KLF17: variants seen among roughly 807,000 people sequenced by gnomAD.
KLF17 encodes Krueppel-like factor 17.
A neutral mutation model predicts 34.2 loss-of-function variants in KLF17; 31 were observed. The observed-to-expected ratio is 0.91, with a 90% CI of 0.68 to 1.22. KLF17 has a LOEUF of 1.22. KLF17 is among the 50% of genes most tolerant of loss of function. The pLI, the probability that KLF17 is intolerant of heterozygous loss-of-function variation, is 0.00. For missense variants in KLF17, 478 were observed against 505.2 expected (o/e 0.95, Z 0.52); for synonymous variants, 179 against 186.7 (o/e 0.96, Z 0.34).
chr1:44,086,873 C>T, the KLF17 span, among the ~76,000 whole-genome samples: 5 of 152,118 alleles, frequency 3.3e-5, no homozygotes, highest in African/African-American at 1.2e-4. Flanking sequence ...GGAGGAAAAG[C>T]TGTGAAATAA....
the KLF17 span, among the ~76,000 whole-genome samples, chr1:44,044,248 A>C: frequency 6.6e-6 from 1 of 152,166 alleles, no homozygotes; most frequent in East Asian, 1.9e-4. Context: ...CACAAGTCTC[A>C]ATGACCGGAC....
the KLF17 span, among the ~76,000 whole-genome samples, chr1:44,087,769 T>TACACAC: frequency 1.9e-4 from 10 of 52,280 alleles, no homozygotes; most frequent in African/African-American, 2.8e-4. Flanking sequence ...TATATATATA[T>TACACAC]ACACACACAC....
chr1:44,059,772 G>C, the KLF17 span, among the ~76,000 whole-genome samples: 1 of 151,736 alleles, frequency 6.6e-6, no homozygotes, highest in African/African-American at 2.4e-5. Flanking sequence ...AAAAGCAGAC[G>C]TTTCCCTGTG....
chr1:44,094,556 TA>T, the KLF17 span, among the ~76,000 whole-genome samples: 1 of 152,238 alleles, frequency 6.6e-6, no homozygotes, highest in East Asian at 1.9e-4. Flanking sequence ...TCATTCTGAC[TA>T]TGGCTATCCA....
In KLF17 at chr1:44,130,686, C is replaced by G. The variant is rs757312344; in HGVS notation, c.1100C>G (p.Pro367Arg). 2.5e-6 allele frequency: 4 copies of G among 1,613,412 alleles called. No homozygotes were observed. The Admixed American group carries it at 5.0e-5, about 20-fold the overall frequency. The stretch of plus-strand genomic sequence containing the variant: ...AAGCAACACCAGAAGACTCATCGGC[C>G]GGGACCCTCAGACCCACAGGCCAAC... ...HLKQHQKTHR[P>R]GPSDPQANNN... Residue 367 changes from proline to arginine, a missense_variant, in exon 3 of 4, where the codon CCG becomes CGG. By Grantham distance (103) the Pro-to-Arg change is moderately radical (BLOSUM62 -2). Coordinates refer to ENST00000372299, the MANE Select transcript of KLF17 (RefSeq NM_173484.4).
the KLF17 span, among the ~76,000 whole-genome samples, chr1:44,071,107 C>CATCA: frequency 6.6e-6 from 1 of 152,128 alleles, no homozygotes; most frequent in African/African-American, 2.4e-5. Context: ...TACCAATGAG[C>CATCA]ATCACTGTGA....
the KLF17 span, among the ~76,000 whole-genome samples, chr1:44,085,246 A>G: frequency 1.2e-3 from 188 of 152,346 alleles, no homozygotes; most frequent in African/African-American, 4.3e-3. Context: ...GACAGAAAGC[A>G]AACAAGGTAC....
upstream of KLF17, among the ~76,000 whole-genome samples, chr1:44,116,572 ACTC>A (rs1474600503): frequency 1.3e-5 from 2 of 151,302 alleles, no homozygotes; most frequent in Non-Finnish European, 2.9e-5. Flanking sequence ...CACTCCATCA[ACTC>A]CTCTTCCCTT....
the KLF17 span, among the ~76,000 whole-genome samples, chr1:44,098,563 TTTTC>T: frequency 6.3e-5 from 8 of 127,874 alleles, no homozygotes; most frequent in Admixed American, 3.2e-4. Flanking sequence ...TTTTTTTTTT[TTTTC>T]TGAGACTGAG....
At chr1:44,094,447 T>G in the KLF17 span, among the ~76,000 whole-genome samples, 2 of 152,186 alleles carry the variant, frequency 1.3e-5, no homozygotes, top group Admixed American at 1.3e-4. Context: ...GTTTCTCCAA[T>G]GTTTTCTTTT....
chr1:44,103,658 C>A, the KLF17 span: 1 of 1,610,360 alleles, frequency 6.2e-7, no homozygotes, highest in Non-Finnish European at 8.5e-7. Context: ...GCTCCTAGTA[C>A]TCACGCAGCT....
chr1:44,049,493 T>C, the KLF17 span, among the ~76,000 whole-genome samples: 1 of 152,258 alleles, frequency 6.6e-6, no homozygotes, highest in Non-Finnish European at 1.5e-5. Context: ...ATATATTCTT[T>C]TCTTTTTGAG....
intron 3 of KLF17, among the ~76,000 whole-genome samples, chr1:44,131,396 T>G (rs1173735965): frequency 1.3e-5 from 2 of 152,212 alleles, no homozygotes; most frequent in Non-Finnish European, 2.9e-5. Flanking sequence ...CTTTGCTTGC[T>G]ACATAAAATC....
chr1:44,051,674 G>A, the KLF17 span: 4 of 152,254 alleles, frequency 2.6e-5, no homozygotes, highest in Middle Eastern at 3.4e-3. Context: ...TCCACCAGTC[G>A]TTTTATTTTC....
the KLF17 span, among the ~76,000 whole-genome samples, chr1:44,073,740 G>A: frequency 1.3e-5 from 2 of 152,088 alleles, no homozygotes; most frequent in East Asian, 3.9e-4. Context: ...TAAGGCACCT[G>A]CCTGGCTTCC....
At chr1:44,077,098 A>T in the KLF17 span, among the ~76,000 whole-genome samples, 1 of 151,334 alleles carries the variant, frequency 6.6e-6, no homozygotes, top group Admixed American at 6.6e-5. Context: ...TAATCCCAGC[A>T]CTTTGGAAGG....
chr1:44,104,497 C>T, the KLF17 span: 2 of 762,376 alleles, frequency 2.6e-6, no homozygotes, highest in African/African-American at 1.7e-5. Flanking sequence ...TTGATCTGCT[C>T]CTTCTCCTGG....
the KLF17 span, among the ~76,000 whole-genome samples, chr1:44,100,079 TACAC>T: frequency 0.071 from 9,801 of 138,526 alleles, 770 homozygotes; most frequent in East Asian, 0.35. Context: ...CTACTAAAAA[TACAC>T]ACACACACAC....
chr1:44,047,210 A>C, the KLF17 span, among the ~76,000 whole-genome samples: 2 of 152,344 alleles, frequency 1.3e-5, no homozygotes, highest in East Asian at 3.9e-4. Flanking sequence ...AGCTTTGGTC[A>C]TAGAAATGTT....
Sources: gnomAD v4.1 joint callset for allele counts (sites outside exome capture counted in the v4.1 genomes callset) on GRCh38, gnomAD v4.1.1 for gene constraint, MANE v1.5 for transcripts, NCBI Gene and HGNC (gene_info 2026-07-23, HGNC 2026-07-21) for gene names.